NXPH1: variants seen among roughly 807,000 people sequenced by gnomAD.
The protein encoded by NXPH1 is neurexophilin 1.
NXPH1 carries 5 observed loss-of-function variants against 23.7 expected under a neutral mutation model. The ratio of observed to expected loss-of-function variants is 0.21; its 90% CI spans 0.11 to 0.44. NXPH1 has a LOEUF of 0.44. Ranked by LOEUF, NXPH1 falls within the 20% of genes least tolerant of loss-of-function variation. NXPH1 has a pLI of 0.99. For synonymous variants in NXPH1, 144 were observed against 122.2 expected (o/e 1.18, Z -1.18); for missense variants, 324 against 321.6 (o/e 1.01, Z -0.06).
chr7:8,554,328 T>G (rs1198094437), intron 2 of NXPH1, among the ~76,000 whole-genome samples: 1 of 151,620 alleles, frequency 6.6e-6, no homozygotes, highest in African/African-American at 2.4e-5. Flanking sequence ...CTGGGGATGA[T>G]GCACTTGTCA....
chr7:8,577,418 G>C (rs1489377135), intron 2 of NXPH1, among the ~76,000 whole-genome samples: 2 of 152,108 alleles, frequency 1.3e-5, no homozygotes, highest in Non-Finnish European at 1.5e-5. Flanking sequence ...TGTGGTGATT[G>C]GGGAATATGT....
At chr7:8,700,409 A>G (rs981457357) in intron 2 of NXPH1, among the ~76,000 whole-genome samples, 1 of 152,130 alleles carries the variant, frequency 6.6e-6, no homozygotes, top group Non-Finnish European at 1.5e-5. Context: ...AGGATGAAAC[A>G]TCATTTGCTT....
intron 2 of NXPH1, among the ~76,000 whole-genome samples, chr7:8,449,068 C>A (rs1025851496): frequency 1.3e-5 from 2 of 152,210 alleles, no homozygotes; most frequent in Non-Finnish European, 2.9e-5. Flanking sequence ...AATTTGCACA[C>A]AGTATAATCA....
At chr7:8,574,515 A>C (rs1257691751) in intron 2 of NXPH1, among the ~76,000 whole-genome samples, 2 of 152,142 alleles carry the variant, frequency 1.3e-5, no homozygotes, top group Non-Finnish European at 2.9e-5. Flanking sequence ...AAAAGATGGA[A>C]TCTGTTAACT....
At chr7:8,603,828 A>T (rs888843568) in intron 2 of NXPH1, among the ~76,000 whole-genome samples, 3 of 152,126 alleles carry the variant, frequency 2.0e-5, no homozygotes, top group African/African-American at 7.2e-5. Context: ...TTTTAATTAA[A>T]AAGTCATTCC....
intron 2 of NXPH1, among the ~76,000 whole-genome samples, chr7:8,677,082 T>G (rs1206413081): frequency 6.6e-6 from 1 of 152,188 alleles, no homozygotes; most frequent in Non-Finnish European, 1.5e-5. Flanking sequence ...TCCTGTCTGA[T>G]GTATCAGAGT....
intron 2 of NXPH1, among the ~76,000 whole-genome samples, chr7:8,644,506 T>C (rs1330740998): frequency 6.6e-6 from 1 of 152,162 alleles, no homozygotes; most frequent in Non-Finnish European, 1.5e-5. Context: ...TCCTTCTGTA[T>C]TTCTGGTTTG....
Position 8,538,640 on chromosome 7 carries a change from C to T in NXPH1, c.54+102873C>T, listed in dbSNP as rs74692317. ...ATCTTAATTATCAACTTTTCCCCCA[C>T]GTGCTAAGTGGCAGAAGTTCTCCAC... On this transcript the variant is annotated intron_variant, in intron 2 of 2. Transcript: ENST00000405863. 5.0e-3 allele frequency among the ~76,000 whole-genome samples: 762 copies of T among 152,030 alleles called. 2 individuals are homozygous for T. Among genetic ancestry groups the T allele is most frequent in the African/African-American group, 0.017 (713 of 41,520 alleles).
At chr7:8,626,695 A>T (rs1168189737) in intron 2 of NXPH1, among the ~76,000 whole-genome samples, 1 of 151,998 alleles carries the variant, frequency 6.6e-6, no homozygotes, top group Non-Finnish European at 1.5e-5. Context: ...GCCCTTCAGG[A>T]TCTGGTCCTT....
intron 2 of NXPH1, among the ~76,000 whole-genome samples, chr7:8,462,752 TAAAAC>T (rs1256534049): frequency 6.6e-6 from 1 of 152,226 alleles, no homozygotes; most frequent in African/African-American, 2.4e-5. Flanking sequence ...AATGAAAAAA[TAAAAC>T]AGAATACTTG....
chr7:8,488,366 A>G (rs1402438887), intron 2 of NXPH1, among the ~76,000 whole-genome samples: 3 of 152,168 alleles, frequency 2.0e-5, no homozygotes, highest in African/African-American at 7.2e-5. Flanking sequence ...TCAGGCTTCA[A>G]AAAAAGTAAT....
At chr7:8,501,947 A>G (rs1274170823) in intron 2 of NXPH1, among the ~76,000 whole-genome samples, 1 of 152,078 alleles carries the variant, frequency 6.6e-6, no homozygotes, top group African/African-American at 2.4e-5. Context: ...TTGGAATATT[A>G]TACAATTAGA....
chr7:8,559,249 C>T (rs947638058), intron 2 of NXPH1, among the ~76,000 whole-genome samples: 6 of 151,694 alleles, frequency 4.0e-5, no homozygotes, highest in Admixed American at 1.3e-4. Flanking sequence ...TGAGCCGCCA[C>T]GCCCTGGTGG....
At chr7:8,644,771 G>A (rs889466088) in intron 2 of NXPH1, among the ~76,000 whole-genome samples, 11 of 152,198 alleles carry the variant, frequency 7.2e-5, no homozygotes, top group African/African-American at 2.6e-4. Flanking sequence ...GGATCCCATT[G>A]TGTATTACAG....
chr7:8,482,615 G>C (rs531083870), intron 2 of NXPH1, among the ~76,000 whole-genome samples: 140 of 152,284 alleles, frequency 9.2e-4, no homozygotes, highest in South Asian at 2.5e-3. Flanking sequence ...AGACTTGACA[G>C]GTATGCCTCC....
chr7:8,487,628 C>G (rs1047732627), intron 2 of NXPH1, among the ~76,000 whole-genome samples: 1 of 152,136 alleles, frequency 6.6e-6, no homozygotes, highest in African/African-American at 2.4e-5. Context: ...CTGTATCTCT[C>G]TAATCACTGT....
At chr7:8,725,848 C>G (rs7793409) in intron 2 of NXPH1, among the ~76,000 whole-genome samples, 2 of 151,858 alleles carry the variant, frequency 1.3e-5, no homozygotes, top group Non-Finnish European at 2.9e-5. Flanking sequence ...CACTCAGCAC[C>G]TGGAAAGTTC....
In NXPH1 at chr7:8,442,105, T is replaced by A. The variant is rs977695222; in HGVS notation, c.54+6338T>A. On this transcript the variant is annotated intron_variant, in intron 2 of 2. Transcript: ENST00000405863. This position sits in a 1 kb window ranked among gnomAD's most constrained non-coding sequence, Gnocchi z 4.6. ...AGGAGCAGCAAGACAGTAGCTCCTC[T>A]CGGGCCACGGCTTACGAAAAGCTTT... is the stretch of plus-strand genomic sequence containing the variant. Among the ~76,000 whole-genome samples, 2 of 152,112 alleles carry A rather than the reference T, an allele frequency of 1.3e-5. No homozygotes were observed. Among genetic ancestry groups the A allele is most frequent in the African/African-American group, 2.4e-5 (1 of 41,422 alleles).
intron 2 of NXPH1, among the ~76,000 whole-genome samples, chr7:8,516,583 T>G (rs1817691512): frequency 6.6e-6 from 1 of 152,208 alleles, no homozygotes; most frequent in Admixed American, 6.5e-5. Flanking sequence ...TCAATAAAAG[T>G]GATGGTTTTG....
Sources: allele counts gnomAD v4.1 joint callset (sites outside exome capture counted in the v4.1 genomes callset), GRCh38; gene constraint gnomAD v4.1.1; non-coding constraint Gnocchi (gnomAD v3.1); transcripts MANE v1.5; gene names NCBI Gene and HGNC (gene_info 2026-07-23, HGNC 2026-07-21).